CCDC88C: variants seen among roughly 807,000 people sequenced by gnomAD.
CCDC88C encodes the protein coiled-coil and HOOK domain protein 88C.
Under a neutral mutation model 198.8 loss-of-function variants are expected in CCDC88C, and 131 were observed. The observed-to-expected ratio is 0.66, with a 90% confidence interval of 0.57 to 0.76. The LOEUF is 0.76. Among genes scored for constraint, CCDC88C ranks in the 30% least tolerant of loss-of-function variants. The probability of loss-of-function intolerance (pLI) is 0.00; values close to 1 mark genes in which losing one functional copy is unlikely to be tolerated. For synonymous variants in CCDC88C, 1,166 were observed against 1,114.7 expected, an observed-to-expected ratio of 1.05 and a Z score of -0.92; for missense variants, 2,553 against 2,631.6, an observed-to-expected ratio of 0.97 and a Z score of 0.65.
At chr14:91,407,377 C>G (rs1886554967) in intron 3 of CCDC88C, among the ~76,000 whole-genome samples, 1 of 152,172 alleles carries the variant, frequency 6.6e-6, no homozygotes, top group Non-Finnish European at 1.5e-5. Flanking sequence ...CTCACAACAT[C>G]CAAAGATGCT....
chr14:91,340,055 G>C lies in CCDC88C; in HGVS notation c.484-31C>G, dbSNP rs191494248. ...GGCACACATGGCAGGGCACTGCAGG[G>C]GCGGCAGAGACGGGCGCCCACTTCC... On this transcript the variant is annotated intron_variant, in intron 6 of 29. Transcript: ENST00000389857. 6,176 of 1,605,486 alleles carry C rather than the reference G, an allele frequency of 3.8e-3. 26 individuals carry two copies. Among genetic ancestry groups the C allele is most frequent in the Non-Finnish European group, 4.4e-3 (5,147 of 1,176,738 alleles).
chr14:91,305,937 G>A lies in CCDC88C; in HGVS notation c.3196-11C>T, dbSNP rs771984503. On this transcript the variant is annotated splice_polypyrimidine_tract_variant and intron_variant, in intron 18 of 29. Transcript: ENST00000389857. Reference sequence around the variant, plus strand: ...CTGCAGAGCTGCATTCTAGAAGATCGGGAGGCATGAGCGAATCAAACTCCA... The same window carrying A: ...CTGCAGAGCTGCATTCTAGAAGATCAGGAGGCATGAGCGAATCAAACTCCA... The A allele has an allele frequency of 1.4e-5, 23 of 1,610,878 alleles. No homozygotes were observed. In the South Asian group the frequency reaches 2.2e-4, roughly 15 times the overall value.
chr14:91,319,383 A>T (rs1406401413), intron 13 of CCDC88C, among the ~76,000 whole-genome samples: 1 of 152,222 alleles, frequency 6.6e-6, no homozygotes, highest in East Asian at 1.9e-4. Context: ...GGAAGACCTA[A>T]CAGCTGTCAT....
At chr14:91,322,622 T>TG (rs535248401) in intron 12 of CCDC88C, among the ~76,000 whole-genome samples, 8,636 of 152,304 alleles carry the variant, frequency 0.057, 263 homozygotes, top group African/African-American at 0.069. Context: ...GCAGAATTCA[T>TG]GGGGGTGAAC....
chr14:91,370,730 G>A (rs951437161), intron 3 of CCDC88C, among the ~76,000 whole-genome samples: 1 of 152,182 alleles, frequency 6.6e-6, no homozygotes, highest in Non-Finnish European at 1.5e-5. Context: ...TGGTGGGGGA[G>A]GGGAAGGCGG....
At chr14:91,332,684 A>G (rs933786351) in intron 10 of CCDC88C, among the ~76,000 whole-genome samples, 1 of 152,170 alleles carries the variant, frequency 6.6e-6, no homozygotes, top group Non-Finnish European at 1.5e-5. Flanking sequence ...CACGAATGCA[A>G]TAACCTCTCT....
At chr14:91,365,869 C>T (rs1567101079) in intron 3 of CCDC88C, among the ~76,000 whole-genome samples, 2 of 152,086 alleles carry the variant, frequency 1.3e-5, no homozygotes, top group Non-Finnish European at 2.9e-5. Flanking sequence ...ACGCTATGGC[C>T]ACTCATCCCA....
chr14:91,283,489 G>A lies in CCDC88C; in HGVS notation c.4470C>T (p.Gly1490=). 1.2e-6 allele frequency: 2 copies of A among 1,611,932 alleles called. No individual in the cohort carries two copies. Among genetic ancestry groups the A allele is most frequent in the Non-Finnish European group, 1.7e-6 (2 of 1,179,104 alleles). The change falls in exon 26 of 30, where the codon GGC becomes GGT. Residue 1490 remains glycine, a synonymous_variant. Transcript: ENST00000389857. ...KGPGDLKPKR[G]SPHRGSLDRT... ...GGTCAAGGCTGCCTCTGTGTGGGGAGCCTCGCTTTGGTTTTAGATCCCCAG... is the reference window on the plus strand; with the variant it reads ...GGTCAAGGCTGCCTCTGTGTGGGGAACCTCGCTTTGGTTTTAGATCCCCAG...
At position 91,339,007 on chromosome 14, in the gene CCDC88C, G is replaced by C. The variant is rs1596086558; in HGVS notation, c.809+271C>G. On this transcript the variant is annotated intron_variant, in intron 8 of 29. Transcript: ENST00000389857. The surrounding 1 kb of genome is among the most constrained non-coding windows in gnomAD (Gnocchi z 5.8). ...CCGGCCCCAAGCTGGAGCTGAGCGT[G>C]GACTGGAGGCTGCTTCTGTGGACAA... 3.6e-6 allele frequency: 2 copies of C among 561,772 alleles called. No homozygotes were observed. The highest frequency in any genetic ancestry group is 6.3e-5 in the East Asian group (2 of 31,848). 34.8% of individuals were successfully genotyped at this position (561,772 alleles called of 1,614,324 possible).
At chr14:91,397,469 C>CT (rs1885917753) in intron 3 of CCDC88C, among the ~76,000 whole-genome samples, 1 of 151,794 alleles carries the variant, frequency 6.6e-6, no homozygotes, top group African/African-American at 2.4e-5. Context: ...CACTCTCACA[C>CT]TCACACACTC....
intron 22 of CCDC88C, 54 bp downstream of exon 22, chr14:91,297,250 GT>G: frequency 1.3e-6 from 2 of 1,562,158 alleles, no homozygotes; most frequent in Non-Finnish European, 1.7e-6. Context: ...GCCCTGGGCT[GT>G]CCCCTTGGGG....
At chr14:91,292,878 G>T (rs562945552) in intron 23 of CCDC88C, among the ~76,000 whole-genome samples, 80 of 152,276 alleles carry the variant, frequency 5.3e-4, no homozygotes, top group African/African-American at 1.9e-3. Flanking sequence ...TGCCAGAGTA[G>T]TATCCCTTCC....
chr14:91,385,649 C>T (rs17725568), intron 3 of CCDC88C, among the ~76,000 whole-genome samples: 4,711 of 152,206 alleles, frequency 0.031, 104 homozygotes, highest in Non-Finnish European at 0.051. Flanking sequence ...GAACAGGGGG[C>T]TAGATATTCC....
chr14:91,361,433 G>T (rs1402925132), intron 3 of CCDC88C, among the ~76,000 whole-genome samples: 1 of 152,174 alleles, frequency 6.6e-6, no homozygotes, highest in East Asian at 1.9e-4. Flanking sequence ...GGGGGCCGAG[G>T]CCGCATGCCA....
intron 2 of CCDC88C, among the ~76,000 whole-genome samples, chr14:91,411,473 C>T (rs1886783569): frequency 6.6e-6 from 1 of 152,172 alleles, no homozygotes; most frequent in African/African-American, 2.4e-5. Flanking sequence ...ACTGCACTTC[C>T]CCAAAAGTTG....
At chr14:91,310,739 A>G (rs1156647693) in intron 15 of CCDC88C, among the ~76,000 whole-genome samples, 2 of 152,138 alleles carry the variant, frequency 1.3e-5, no homozygotes, top group Non-Finnish European at 2.9e-5. Flanking sequence ...ATGGGTGTTG[A>G]ATGCATGTCG....
chr14:91,376,172 C>T (rs905812152), intron 3 of CCDC88C, among the ~76,000 whole-genome samples: 1 of 152,138 alleles, frequency 6.6e-6, no homozygotes, highest in Non-Finnish European at 1.5e-5. Context: ...GACAGGGTGA[C>T]GATCATAGGT....
chr14:91,299,410 G>C (rs189368489), intron 21 of CCDC88C, among the ~76,000 whole-genome samples: 60 of 152,324 alleles, frequency 3.9e-4, no homozygotes, highest in African/African-American at 1.4e-3. Context: ...TTTGCAGTAG[G>C]AGCTGAAACA....
chr14:91,283,471 G>T lies in CCDC88C; in HGVS notation c.4488C>A (p.Ser1496Arg). ...CGGTGGAGGCATCTGTGCGGTCAAG[G>T]CTGCCTCTGTGTGGGGAGCCTCGCT... ...KPKRGSPHRG[S>R]LDRTDASTDL... The change falls in exon 26 of 30, where the codon AGC (serine) becomes AGA (arginine). Residue 1496 changes from serine to arginine, a missense_variant. Ser to Arg is a moderately radical substitution (Grantham distance 110, BLOSUM62 -1). Coordinates refer to ENST00000389857, the MANE Select transcript of CCDC88C (RefSeq NM_001080414.4). The T allele has an allele frequency of 1.2e-6, 2 of 1,613,014 alleles. No homozygotes were observed. Among genetic ancestry groups the T allele is most frequent in the Non-Finnish European group, 1.7e-6 (2 of 1,179,554 alleles).
Sources: allele counts gnomAD v4.1 joint callset (sites outside exome capture counted in the v4.1 genomes callset), GRCh38; gene constraint gnomAD v4.1.1; non-coding constraint Gnocchi (gnomAD v3.1); transcripts MANE v1.5; gene names NCBI Gene and HGNC (gene_info 2026-07-23, HGNC 2026-07-21).